Variants in PCM1 observed in about 807,000 individuals in gnomAD.
PCM1 encodes pericentriolar material 1.
A neutral mutation model predicts 241.9 loss-of-function variants in PCM1; 157 were observed. The ratio of observed to expected loss-of-function variants is 0.65; its 90% CI spans 0.57 to 0.74. The LOEUF is 0.74. PCM1 is among the 30% of genes least tolerant of loss of function. PCM1 has a pLI of 0.00. For missense variants in PCM1, 3,478 were observed against 2,360.1 expected (o/e 1.47, Z -9.81); for synonymous variants, 1,085 against 784.9 (o/e 1.38, Z -6.39).
chr8:17,928,565 C>T (rs2129446261), intron 2 of PCM1, among the ~76,000 whole-genome samples: 1 of 151,646 alleles, frequency 6.6e-6, no homozygotes, highest in South Asian at 2.1e-4. Context: ...TCTCAGAGCC[C>T]ACATGCTAGT....
At chr8:17,985,249 A>G (rs2082215954) in intron 24 of PCM1, among the ~76,000 whole-genome samples, 198 bp from the exon 25 acceptor site, 1 of 151,848 alleles carries the variant, frequency 6.6e-6, no homozygotes, top group South Asian at 2.1e-4. Flanking sequence ...TTTAGTATAA[A>G]ATGCATATCT....
chr8:17,977,709 C>G (rs1445432247), intron 23 of PCM1, among the ~76,000 whole-genome samples: 2 of 152,144 alleles, frequency 1.3e-5, no homozygotes, highest in African/African-American at 2.4e-5. Context: ...TTCCTTAACC[C>G]TGTACATGGG....
In PCM1 at chr8:17,939,810, T is replaced by A; in HGVS notation, c.732T>A (p.Asp244Glu). 6.5e-7 allele frequency: 1 copy of A among 1,538,346 alleles called. No homozygotes were observed. The highest frequency in any genetic ancestry group is 8.8e-7 in the Non-Finnish European group (1 of 1,132,234). The change falls in exon 6 of 39, where the codon GAT (aspartate) becomes GAA (glutamate). Residue 244 changes from aspartate to glutamate, a missense_variant. Physicochemically the swap from Asp to Glu is conservative, Grantham distance 45 (BLOSUM62 2). Coordinates refer to ENST00000325083, the MANE Select transcript of PCM1 (RefSeq NM_006197.4). ...TTGAGCGCCTTACTCATCTAATAGA[T>A]CACCTTAAAGAACAAGAGAAGTCAT... ...ANVERLTHLI[D>E]HLKEQEKSYM...
chr8:17,985,781 A>C (rs1338282835), intron 25 of PCM1, among the ~76,000 whole-genome samples, 162 bp downstream of exon 25: 1 of 151,744 alleles, frequency 6.6e-6, no homozygotes, highest in African/African-American at 2.4e-5. Context: ...CTTAAGTAGC[A>C]TTAAAGTATT....
chr8:17,976,042 C>T (rs1010754800), intron 23 of PCM1, among the ~76,000 whole-genome samples: 1 of 152,152 alleles, frequency 6.6e-6, no homozygotes, highest in Admixed American at 6.5e-5. Context: ...AAGGTACAGC[C>T]TTCTGGGTTC....
intron 10 of PCM1, 131 bp downstream of exon 10, chr8:17,955,784 A>G: frequency 1.4e-6 from 1 of 732,840 alleles, no homozygotes; most frequent in Non-Finnish European, 2.3e-6. Context: ...AGGGATAGGT[A>G]GAAGAGGCGT....
At chr8:17,957,844 GATA>G (rs2069353209) in intron 13 of PCM1, 69 bp downstream of exon 13, 1 of 1,063,144 alleles carries the variant, frequency 9.4e-7, no homozygotes, top group African/African-American at 1.6e-5. Context: ...ATTTGTGTAT[GATA>G]ATTACTTTGG....
intron 15 of PCM1, 102 bp from the exon 16 acceptor site, chr8:17,961,932 T>C (rs1391297870): frequency 5.6e-6 from 5 of 885,222 alleles, no homozygotes; most frequent in Non-Finnish European, 8.4e-6. Context: ...GCAGATTAAA[T>C]ATGGCACTAG....
chr8:17,980,365 G>A (rs1375934772), intron 23 of PCM1: 2 of 371,536 alleles, frequency 5.4e-6, no homozygotes, highest in Non-Finnish European at 9.6e-6. Context: ...TCATTAAGAT[G>A]AGTATCAAAG....
At chr8:17,926,706 G>C (rs2057099928) in intron 2 of PCM1, 1 of 152,206 alleles carries the variant, frequency 6.6e-6, no homozygotes, top group Non-Finnish European at 1.5e-5. Context: ...GACTTAGTTG[G>C]GTTTGGGTTT....
chr8:17,963,395 C>G (rs769282117), intron 17 of PCM1, 104 bp downstream of exon 17: 5 of 733,938 alleles, frequency 6.8e-6, no homozygotes, highest in Non-Finnish European at 1.1e-5. Flanking sequence ...CACAAATCTG[C>G]TATTTCAGTG....
intron 2 of PCM1, among the ~76,000 whole-genome samples, chr8:17,931,015 C>G (rs929048670): frequency 6.6e-6 from 1 of 152,150 alleles, no homozygotes; most frequent in Admixed American, 6.5e-5. Context: ...AGTATTCTAC[C>G]CCCTATGGCA....
At chr8:17,976,077 TCTTC>T (rs2078672323) in intron 23 of PCM1, among the ~76,000 whole-genome samples, 2 of 152,228 alleles carry the variant, frequency 1.3e-5, no homozygotes, top group Non-Finnish European at 2.9e-5. Flanking sequence ...TCTTTTCATT[TCTTC>T]CTTCCTCCCT....
At chr8:17,998,937 C>G (rs2088046405) in intron 29 of PCM1, among the ~76,000 whole-genome samples, 1 of 152,018 alleles carries the variant, frequency 6.6e-6, no homozygotes, top group Non-Finnish European at 1.5e-5. Flanking sequence ...CTGGTGGCTA[C>G]CACTGTGACC....
chr8:17,951,386 C>T (rs1250138185), intron 8 of PCM1, among the ~76,000 whole-genome samples: 1 of 152,120 alleles, frequency 6.6e-6, no homozygotes, highest in African/African-American at 2.4e-5. Flanking sequence ...TATAGCAGTA[C>T]CTAGTAAATT....
chr8:18,009,781 C>T, intron 31 of PCM1, 37 bp downstream of exon 31: 1 of 1,204,630 alleles, frequency 8.3e-7, no homozygotes. Flanking sequence ...GGATAATTGA[C>T]ACATAAATAC....
chr8:17,999,962 G>C (rs1203370141), intron 29 of PCM1, among the ~76,000 whole-genome samples: 1 of 152,138 alleles, frequency 6.6e-6, no homozygotes, highest in Non-Finnish European at 1.5e-5. Flanking sequence ...ATGCTAGAGT[G>C]GGAATACACT....
At chr8:17,985,732 A>T (rs866946733) in intron 25 of PCM1, 113 bp downstream of exon 25, 7 of 870,952 alleles carry the variant, frequency 8.0e-6, no homozygotes, top group South Asian at 3.6e-5. Flanking sequence ...TCTGTTCTCT[A>T]TGTGCTTTCT....
Position 17,957,401 on chromosome 8 carries a change from TA to T in PCM1, c.1787del (p.Asn596ThrfsTer6). The T allele has an allele frequency of 6.2e-7, 1 of 1,612,614 alleles. No homozygotes were observed. The highest frequency in any genetic ancestry group is 1.1e-5 in the South Asian group (1 of 91,064). Reference sequence around the variant, plus strand: ...AGATCTGCTGCCAACATAAGGGCTCTAAACATGCCTCCTTCTTTAGGTATGA... The same window carrying T: ...AGATCTGCTGCCAACATAAGGGCTCTAACATGCCTCCTTCTTTAGGTATGA... ...NNRSAANIRALNMPPSLDCRY... is the reference protein window; with the variant it reads ...NNRSAANIRAXNMPPSLDCRY... On this transcript the variant is annotated frameshift_variant, in exon 12 of 39. Transcript: ENST00000325083. LOFTEE classifies it high-confidence loss of function.
Sources: allele counts gnomAD v4.1 joint callset (sites outside exome capture counted in the v4.1 genomes callset), GRCh38; gene constraint gnomAD v4.1.1; transcripts MANE v1.5; gene names NCBI Gene and HGNC (gene_info 2026-07-23, HGNC 2026-07-21).